The following SEC31B variants were observed in gnomAD, a reference collection of about 807,000 sequenced individuals.
SEC31B encodes the protein protein transport protein Sec31B.
A neutral mutation model predicts 135.0 loss-of-function variants in SEC31B; 113 were observed. That is an observed-to-expected ratio of 0.84 (90% CI 0.72 to 0.98). SEC31B has a LOEUF of 0.98. SEC31B is among the 50% of genes least tolerant of loss of function. SEC31B has a pLI of 0.00. For synonymous variants in SEC31B, 508 were observed against 549.4 expected, an observed-to-expected ratio of 0.92 and a Z score of 1.05; for missense variants, 1,296 against 1,421.1, an observed-to-expected ratio of 0.91 and a Z score of 1.42.
At chr10:100,513,164 C>T (rs767254840) in intron 3 of SEC31B, among the ~76,000 whole-genome samples, 6 of 152,204 alleles carry the variant, frequency 3.9e-5, no homozygotes, top group Non-Finnish European at 8.8e-5. Flanking sequence ...TTCAGAAAGG[C>T]CCCAACAGGG....
At position 100,508,008 on chromosome 10, in the gene SEC31B, G is replaced by C; in HGVS notation, c.539C>G (p.Ala180Gly). 5.0e-6 allele frequency: 8 copies of C among 1,614,194 alleles called. No individual in the cohort carries two copies. Among genetic ancestry groups the C allele is most frequent in the Non-Finnish European group, 6.8e-6 (8 of 1,180,032 alleles). The change falls in exon 6 of 26, where the codon GCC becomes GGC. Residue 180 changes from alanine to glycine, a missense_variant. Transcript: ENST00000370345. ...GTGAGCAGAAGACAGAATGTGTTGG[G>C]CTTGCCGGTTCCAAGACAGTGCCTT... ...DIKALSWNRQAQHILSSAHPS... is the reference protein window; with the variant it reads ...DIKALSWNRQGQHILSSAHPS...
chr10:100,504,300 T>C (rs1342103512), intron 10 of SEC31B, among the ~76,000 whole-genome samples: 1 of 152,218 alleles, frequency 6.6e-6, no homozygotes, highest in Non-Finnish European at 1.5e-5. Context: ...AGTAAAACCG[T>C]TGGCTTTGAA....
In SEC31B at chr10:100,495,267, A is replaced by G. The variant is rs1395312611; in HGVS notation, c.2472+118T>C. 5 of 910,910 alleles carry G rather than the reference A, an allele frequency of 5.5e-6. No homozygotes were observed. The African/African-American group carries it at 8.3e-5, about 15-fold the overall frequency. 56.4% of individuals were successfully genotyped at this position (910,910 alleles called of 1,614,324 possible). A position where few individuals can be genotyped will look rare whatever the true frequency, so the allele number is the denominator to read the frequency against. ...ATTTATTATAAAAAGAACTGAATCT[A>G]TGTTCTATGGAAGTTGGGAATTTTC... is the stretch of plus-strand genomic sequence containing the variant. On this transcript the variant is annotated intron_variant, in intron 19 of 25. Coordinates refer to ENST00000370345, the MANE Select transcript of SEC31B (RefSeq NM_015490.4).
intron 14 of SEC31B, 131 bp from the exon 15 acceptor site, chr10:100,498,338 G>T: frequency 1.1e-6 from 1 of 882,816 alleles, no homozygotes; most frequent in South Asian, 1.7e-5. Context: ...AAATCCTCAA[G>T]TTTCACTCCT....
chr10:100,505,304 AC>A, intron 10 of SEC31B, 56 bp downstream of exon 10: 3 of 1,521,744 alleles, frequency 2.0e-6, no homozygotes, highest in Non-Finnish European at 2.7e-6. Flanking sequence ...TCACAAACAC[AC>A]ACACACACAC....
Position 100,502,317 on chromosome 10 carries a change from G to C in SEC31B, c.1347C>G (p.Tyr449Ter), listed in dbSNP as rs374722168. ...EALGSGNLLN[Y>*]CQNKSQQALL... Reference sequence around the variant, plus strand: ...AAGCTTGCTGGCTCTTGTTCTGACAGTAATTCAGTAGATTTCCTGATCCCA... The same window carrying C: ...AAGCTTGCTGGCTCTTGTTCTGACACTAATTCAGTAGATTTCCTGATCCCA... Residue 449 changes from tyrosine to a stop codon, truncating the protein, a stop_gained, in exon 11 of 26, where the codon TAC (tyrosine) becomes TAG (stop). Transcript: ENST00000370345. LOFTEE classifies it high-confidence loss of function. The C allele has an allele frequency of 2.5e-6, 4 of 1,614,178 alleles. No homozygotes were observed. Among genetic ancestry groups the C allele is most frequent in the Non-Finnish European group, 3.4e-6 (4 of 1,180,022 alleles).
chr10:100,489,941 C>A, intron 21 of SEC31B, 67 bp downstream of exon 21: 2 of 1,531,754 alleles, frequency 1.3e-6, no homozygotes, highest in South Asian at 1.3e-5. Flanking sequence ...AGGAAAGACT[C>A]CCAAAGTAGT....
intron 16 of SEC31B, 133 bp from the exon 17 acceptor site, chr10:100,497,413 T>C (rs907397566): frequency 6.6e-7 from 1 of 1,505,358 alleles, no homozygotes; most frequent in African/African-American, 1.4e-5. Flanking sequence ...AGACTCACCT[T>C]GCTGTACAGA....
Position 100,505,475 on chromosome 10 carries a change from T to A in SEC31B, c.1065A>T (p.Lys355Asn). 1 of 1,563,644 alleles carries A rather than the reference T, an allele frequency of 6.4e-7. No homozygotes were observed. ...QADKISSSFS[K>N]GQPLPPLQVP... Reference sequence around the variant, plus strand: ...CCTGCAGTGGTGGGAGAGGCTGGCCTTTGCTGAAGGAAGAGGAGATCTGGG... The same window carrying A: ...CCTGCAGTGGTGGGAGAGGCTGGCCATTGCTGAAGGAAGAGGAGATCTGGG... The change falls in exon 10 of 26, where the codon AAA (lysine) becomes AAT (asparagine). Residue 355 changes from lysine (K) to asparagine (N), a missense_variant. Transcript: ENST00000370345.
chr10:100,501,089 T>TA (rs79921973), intron 11 of SEC31B, among the ~76,000 whole-genome samples: 93 of 149,052 alleles, frequency 6.2e-4, no homozygotes, highest in East Asian at 1.2e-3. Context: ...ACCCTGTCTC[T>TA]AAAAAAAAAT....
chr10:100,491,135 C>CT (rs957950547), intron 19 of SEC31B, among the ~76,000 whole-genome samples: 2 of 152,136 alleles, frequency 1.3e-5, no homozygotes, highest in Admixed American at 1.3e-4. Context: ...CTACAGAAAA[C>CT]TTTACATTCA....
chr10:100,490,750 G>T lies in SEC31B; in HGVS notation c.2606C>A (p.Pro869His), dbSNP rs1851286837. ...CAAAGGCAAAGGCTGGATGGCCTGG[G>T]GCCCAGGTGCCCTGTAGTCACTTAT... ...QNISDYRAPG[P>H]QAIQPLPLSP... Residue 869 changes from proline (P) to histidine (H), a missense_variant, in exon 20 of 26, where the codon CCC (proline) becomes CAC (histidine). Transcript: ENST00000370345. 6.2e-7 allele frequency: 1 copy of T among 1,605,122 alleles called. No homozygotes were observed. The highest frequency in any genetic ancestry group is 8.5e-7 in the Non-Finnish European group (1 of 1,174,948).
At chr10:100,516,288 G>T in intron 2 of SEC31B, 69 bp from the exon 3 acceptor site, 1 of 1,535,792 alleles carries the variant, frequency 6.5e-7, no homozygotes, top group Non-Finnish European at 8.9e-7. Context: ...GAAGGTTAAG[G>T]AGTGAAGAAG....
chr10:100,495,343 G>C, intron 19 of SEC31B, 42 bp downstream of exon 19: 1 of 1,567,346 alleles, frequency 6.4e-7, no homozygotes, highest in South Asian at 1.1e-5. Context: ...TGCTTGGCAC[G>C]TATTATTGAA....
Position 100,490,451 on chromosome 10 carries a change from T to A in SEC31B, c.2651-129A>T, listed in dbSNP as rs578149096. 1,660 of 1,069,022 alleles carry A rather than the reference T, an allele frequency of 1.6e-3. 41 individuals carry two copies. The South Asian group carries it at 0.028, about 18-fold the overall frequency. The allele number at this position is 1,069,022 out of a possible 1,614,324, so 66.2% of individuals were successfully genotyped here. Reference sequence around the variant, plus strand: ...ATTAATACATGTATATGGAAATCTATAATTTACAAAATACTTTTAACTATA... The same window carrying A: ...ATTAATACATGTATATGGAAATCTAAAATTTACAAAATACTTTTAACTATA... On this transcript the variant is annotated intron_variant, in intron 20 of 25. Coordinates refer to ENST00000370345, the MANE Select transcript of SEC31B (RefSeq NM_015490.4).
chr10:100,505,674 G>A, intron 9 of SEC31B, 179 bp from the exon 10 acceptor site: 2 of 1,416,954 alleles, frequency 1.4e-6, no homozygotes, highest in Non-Finnish European at 1.8e-6. Context: ...TCCCATGCAA[G>A]TAGGCTCTTG....
intron 3 of SEC31B, among the ~76,000 whole-genome samples, chr10:100,513,444 T>G (rs1030852770): frequency 6.6e-6 from 1 of 152,176 alleles, no homozygotes; most frequent in African/African-American, 2.4e-5. Flanking sequence ...ATTTGAATGC[T>G]GTTTGGTAAC....
Position 100,507,930 on chromosome 10 carries a change from T to C in SEC31B, c.617A>G (p.Lys206Arg). The C allele has an allele frequency of 6.2e-7, 1 of 1,614,204 alleles. No homozygotes were observed. The highest frequency in any genetic ancestry group is 8.5e-7 in the Non-Finnish European group (1 of 1,180,032). The change falls in exon 6 of 26, where the codon AAA (lysine) becomes AGA (arginine). Residue 206 changes from lysine (K) to arginine (R), a missense_variant. Coordinates refer to ENST00000370345, the MANE Select transcript of SEC31B (RefSeq NM_015490.4). Reference protein sequence around the residue: ...WDLRKNEPIIKVSDHSNRMHC... With the variant: ...WDLRKNEPIIRVSDHSNRMHC... ...CACCCTGTTGCTGTGATCACTGACTTTGATGATAGGTTCATTCTTCCTGAG... is the reference window on the plus strand; with the variant it reads ...CACCCTGTTGCTGTGATCACTGACTCTGATGATAGGTTCATTCTTCCTGAG...
intron 20 of SEC31B, 56 bp downstream of exon 20, chr10:100,490,650 T>C: frequency 6.8e-7 from 1 of 1,471,092 alleles, no homozygotes; most frequent in Non-Finnish European, 9.0e-7. Context: ...GCCATGCCAA[T>C]TGCTTTCCTG....
Sources: gnomAD v4.1 joint callset for allele counts (sites outside exome capture counted in the v4.1 genomes callset) on GRCh38, gnomAD v4.1.1 for gene constraint, MANE v1.5 for transcripts, NCBI Gene and HGNC (gene_info 2026-07-23, HGNC 2026-07-21) for gene names.